The following BBS9 variants were observed in gnomAD, a reference collection of about 807,000 sequenced individuals.
BBS9 encodes the protein protein PTHB1.
In BBS9, 89 loss-of-function variants were observed where a neutral mutation model predicts 117.7. The observed-to-expected ratio is 0.76, with a 90% CI of 0.64 to 0.90. The LOEUF is 0.90. BBS9 is among the 40% of genes least tolerant of loss of function. The pLI, the probability that BBS9 is intolerant of heterozygous loss-of-function variation, is 0.00. For missense variants in BBS9, 982 were observed against 1,042.2 expected (o/e 0.94, Z 0.80); for synonymous variants, 379 against 370.9 (o/e 1.02, Z -0.25).
Position 33,301,452 on chromosome 7 carries a change from C to T in BBS9, c.1016+27496C>T, listed in dbSNP as rs76080160. Among the ~76,000 whole-genome samples the T allele has an allele frequency of 2.8e-3, 420 of 152,216 alleles. 1 individual carries two copies. The highest frequency in any genetic ancestry group is 9.8e-3 in the African/African-American group (407 of 41,548). Reference sequence around the variant, plus strand: ...AGCATTCCCAGCCTCTGGTAACCATCCTTGTGCTCTCCATGCGTTCAATTA... The same window carrying T: ...AGCATTCCCAGCCTCTGGTAACCATTCTTGTGCTCTCCATGCGTTCAATTA... On this transcript the variant is annotated intron_variant, in intron 9 of 22. Coordinates refer to ENST00000242067, the MANE Select transcript of BBS9 (RefSeq NM_198428.3).
At chr7:33,273,732 T>A in intron 8 of BBS9, 95 bp from the exon 9 acceptor site, 1 of 1,122,386 alleles carries the variant, frequency 8.9e-7, no homozygotes, top group Non-Finnish European at 1.3e-6. Flanking sequence ...AATCCAGGTG[T>A]TAGAATTAGT....
chr7:33,375,034 C>G (rs1823588926), intron 17 of BBS9, among the ~76,000 whole-genome samples: 1 of 151,870 alleles, frequency 6.6e-6, no homozygotes, highest in African/African-American at 2.4e-5. Flanking sequence ...GTATAGTTCA[C>G]TGTTTATGAT....
At chr7:33,441,641 C>CTGA (rs1348048948) in intron 19 of BBS9, among the ~76,000 whole-genome samples, 8 of 152,114 alleles carry the variant, frequency 5.3e-5, no homozygotes, top group Non-Finnish European at 1.2e-4. Flanking sequence ...TATAATATCT[C>CTGA]TATTAAATCA....
chr7:33,371,839 T>C (rs1370875590), intron 17 of BBS9, among the ~76,000 whole-genome samples: 2 of 152,130 alleles, frequency 1.3e-5, no homozygotes, highest in African/African-American at 2.4e-5. Flanking sequence ...CAGCCATCCT[T>C]TTTAGGTGAT....
intron 4 of BBS9, among the ~76,000 whole-genome samples, chr7:33,176,976 T>C (rs1797414439): frequency 6.6e-6 from 1 of 152,168 alleles, no homozygotes; most frequent in Non-Finnish European, 1.5e-5. Flanking sequence ...TCCTATTTAC[T>C]TGTTGAGGGA....
chr7:33,522,290 T>C (rs944203482), intron 20 of BBS9, among the ~76,000 whole-genome samples: 1 of 152,096 alleles, frequency 6.6e-6, no homozygotes, highest in Non-Finnish European at 1.5e-5. Context: ...TCAAATGGTA[T>C]TTCTAGTTCT....
At chr7:33,233,507 A>G (rs1433398258) in intron 5 of BBS9, among the ~76,000 whole-genome samples, 1 of 152,172 alleles carries the variant, frequency 6.6e-6, no homozygotes, top group East Asian at 1.9e-4. Flanking sequence ...AAAGGATATG[A>G]ACTTTCTATA....
chr7:33,439,841 A>G (rs975443880), intron 19 of BBS9, among the ~76,000 whole-genome samples: 40 of 152,092 alleles, frequency 2.6e-4, no homozygotes, highest in Non-Finnish European at 5.3e-4. Context: ...ATCAATTGTT[A>G]AAGGAAAACC....
intron 19 of BBS9, among the ~76,000 whole-genome samples, chr7:33,497,265 A>C (rs373728418): frequency 1.3e-5 from 2 of 152,264 alleles, no homozygotes; most frequent in African/African-American, 4.8e-5. Context: ...GTTCCATTCA[A>C]ATTGGGAGCC....
At chr7:33,301,901 A>T (rs1375582383) in intron 9 of BBS9, among the ~76,000 whole-genome samples, 2 of 152,172 alleles carry the variant, frequency 1.3e-5, no homozygotes, top group East Asian at 3.8e-4. Context: ...CCAACAATGT[A>T]TGAGGGTTCC....
At chr7:33,169,953 T>C (rs1044844647) in intron 4 of BBS9, among the ~76,000 whole-genome samples, 1 of 152,100 alleles carries the variant, frequency 6.6e-6, no homozygotes, top group African/African-American at 2.4e-5. Context: ...AGGTCTAACG[T>C]TTAAGTCTTT....
intron 21 of BBS9, among the ~76,000 whole-genome samples, chr7:33,571,353 GA>G (rs142288865): frequency 0.023 from 3,554 of 151,830 alleles, 46 homozygotes; most frequent in East Asian, 0.045. Flanking sequence ...ATAGAATAGA[GA>G]AAAAACAGAA....
chr7:33,492,707 A>G (rs1447814325), intron 19 of BBS9, among the ~76,000 whole-genome samples: 1 of 151,886 alleles, frequency 6.6e-6, no homozygotes, highest in African/African-American at 2.4e-5. Context: ...TGGGCCCTTC[A>G]CCCCAGGAGA....
chr7:33,261,497 A>C (rs1308410487), intron 6 of BBS9, among the ~76,000 whole-genome samples: 1 of 152,232 alleles, frequency 6.6e-6, no homozygotes, highest in Non-Finnish European at 1.5e-5. Context: ...AGTTGAAATC[A>C]ACATAATAAT....
At chr7:33,547,509 A>G (rs759072820) in intron 21 of BBS9, among the ~76,000 whole-genome samples, 3 of 152,232 alleles carry the variant, frequency 2.0e-5, no homozygotes, top group Admixed American at 6.5e-5. Flanking sequence ...GCACCCAGAT[A>G]TATGCTGGGT....
chr7:33,299,283 AC>A (rs2128420139), intron 9 of BBS9, among the ~76,000 whole-genome samples: 1 of 152,174 alleles, frequency 6.6e-6, no homozygotes, highest in East Asian at 1.9e-4. Flanking sequence ...TCTTCAAATT[AC>A]CCTTATTTTT....
chr7:33,467,772 TG>T (rs1400764830), intron 19 of BBS9, among the ~76,000 whole-genome samples: 2 of 152,154 alleles, frequency 1.3e-5, no homozygotes, highest in African/African-American at 4.8e-5. Context: ...TCTTTTAGTG[TG>T]TAGAAATTCT....
At chr7:33,263,735 G>A (rs141196644) in intron 6 of BBS9, among the ~76,000 whole-genome samples, 1 of 152,072 alleles carries the variant, frequency 6.6e-6, no homozygotes, top group Non-Finnish European at 1.5e-5. Context: ...CAAATAGTAG[G>A]CACTTTATAA....
intron 19 of BBS9, among the ~76,000 whole-genome samples, chr7:33,406,318 G>A (rs1169601707): frequency 6.6e-6 from 1 of 152,178 alleles, no homozygotes; most frequent in African/African-American, 2.4e-5. Flanking sequence ...TATATATTCT[G>A]TTGATTTGGG....
Sources: gnomAD v4.1 joint callset for allele counts (sites outside exome capture counted in the v4.1 genomes callset) on GRCh38, gnomAD v4.1.1 for gene constraint, MANE v1.5 for transcripts, NCBI Gene and HGNC (gene_info 2026-07-23, HGNC 2026-07-21) for gene names.